The following CBLL1 variants were observed in gnomAD, a reference collection of about 807,000 sequenced individuals.
CBLL1 encodes the protein E3 ubiquitin-protein ligase Hakai.
A neutral mutation model predicts 44.9 loss-of-function variants in CBLL1; 4 were observed. That is an observed-to-expected ratio of 0.09 (90% confidence interval 0.04 to 0.20). CBLL1 has a LOEUF of 0.20. CBLL1 is among the 10% of genes least tolerant of loss of function. The probability of loss-of-function intolerance (pLI) is 1.00; values close to 1 mark genes in which losing one functional copy is unlikely to be tolerated. For synonymous variants in CBLL1, 235 were observed against 202.2 expected, an observed-to-expected ratio of 1.16 and a Z score of -1.38; for missense variants, 569 against 636.7, an observed-to-expected ratio of 0.89 and a Z score of 1.14.
At chr7:107,754,982 C>T (rs564836860) in intron 4 of CBLL1, among the ~76,000 whole-genome samples, 14 of 151,998 alleles carry the variant, frequency 9.2e-5, no homozygotes, top group African/African-American at 3.4e-4. Flanking sequence ...AATAATTAGC[C>T]TGCTGTGGTG....
chr7:107,750,366 C>A (rs1182407785), intron 2 of CBLL1, among the ~76,000 whole-genome samples: 1 of 151,320 alleles, frequency 6.6e-6, no homozygotes, highest in Non-Finnish European at 1.5e-5. Flanking sequence ...AGTGCAGTGG[C>A]GGGATCTCGG....
chr7:107,750,560 T>G (rs957247241), intron 2 of CBLL1, among the ~76,000 whole-genome samples: 1 of 152,174 alleles, frequency 6.6e-6, no homozygotes, highest in African/African-American at 2.4e-5. Flanking sequence ...CGCATCGGCC[T>G]CCCAAAGTGC....
chr7:107,758,092 AT>A lies in CBLL1; in HGVS notation c.441-45del. Reference sequence around the variant, plus strand: ...CAAGCATATTTTTGAAAATTACATAATTTTTTGTATTCTCTTTTAGTAAATC... The same window carrying A: ...CAAGCATATTTTTGAAAATTACATAATTTTTGTATTCTCTTTTAGTAAATC... On this transcript the variant is annotated intron_variant, in intron 5 of 5. Transcript: ENST00000440859. This position sits in a 1 kb window ranked among gnomAD's most constrained non-coding sequence, Gnocchi z 4.2. The A allele has an allele frequency of 1.3e-6, 2 of 1,486,078 alleles. No individual in the cohort carries two copies. Among genetic ancestry groups the A allele is most frequent in the Non-Finnish European group, 1.8e-6 (2 of 1,107,502 alleles). The allele number at this position is 1,486,078 out of a possible 1,614,324, so 92.1% of individuals were successfully genotyped here.
chr7:107,752,153 T>C (rs1048686469), intron 2 of CBLL1, among the ~76,000 whole-genome samples: 40 of 147,826 alleles, frequency 2.7e-4, no homozygotes, highest in Non-Finnish European at 2.8e-4. Context: ...GAGCGGAGAT[T>C]GCGCCACTGC....
intron 2 of CBLL1, chr7:107,752,520 T>A: frequency 7.9e-7 from 1 of 1,271,740 alleles, no homozygotes; most frequent in South Asian, 1.2e-5. Flanking sequence ...TTAAAACTTG[T>A]GTGCTTGGCT....
Position 107,759,164 on chromosome 7 carries a change from C to T in CBLL1, c.1462C>T (p.Pro488Ser), listed in dbSNP as rs1562867390. The T allele has an allele frequency of 1.2e-6, 2 of 1,601,560 alleles. No individual in the cohort carries two copies. The highest frequency in any genetic ancestry group is 1.3e-5 in the African/African-American group (1 of 74,464). The change falls in exon 6 of 6, where the codon CCG becomes TCG. Residue 488 changes from proline (P) to serine (S), a missense_variant. This residue lies in a region of CBLL1 where 228 missense variants were observed against 253.2 expected (regional missense o/e 0.90). Coordinates refer to ENST00000440859, the MANE Select transcript of CBLL1 (RefSeq NM_024814.4). ...PHHPDQTRYR[P>S]YYQ Reference sequence around the variant, plus strand: ...TCATCCAGATCAGACAAGATATAGACCGTATTACCAATGATAATAGTATTT... The same window carrying T: ...TCATCCAGATCAGACAAGATATAGATCGTATTACCAATGATAATAGTATTT...
At chr7:107,754,840 G>A (rs1017045450) in intron 4 of CBLL1, among the ~76,000 whole-genome samples, 1 of 152,206 alleles carries the variant, frequency 6.6e-6, no homozygotes, top group Non-Finnish European at 1.5e-5. Flanking sequence ...TTGACCTGCA[G>A]GGGGCTGGGT....
intron 1 of CBLL1, among the ~76,000 whole-genome samples, chr7:107,745,724 T>C (rs1340439745): frequency 6.6e-6 from 1 of 152,184 alleles, no homozygotes; most frequent in African/African-American, 2.4e-5. Flanking sequence ...GTAAATACTC[T>C]GGTGGTGTTT....
At chr7:107,748,453 T>C (rs1793113476) in intron 1 of CBLL1, among the ~76,000 whole-genome samples, 1 of 152,234 alleles carries the variant, frequency 6.6e-6, no homozygotes, top group Non-Finnish European at 1.5e-5. Flanking sequence ...TATTTTCTGC[T>C]TTGCATGCTT....
At position 107,759,047 on chromosome 7, in the gene CBLL1, A is replaced by G. The variant is rs1303501663; in HGVS notation, c.1345A>G (p.Met449Val). ...CCCTCCATTTACACAACCAGGGGGA[A>G]TGAGTCCTGGTATATGGCCTGCACC... The part of the protein sequence containing the change: ...LSPPFTQPGG[M>V]SPGIWPAPRG... The change falls in exon 6 of 6, where the codon ATG becomes GTG. Residue 449 changes from methionine to valine, a missense_variant. Around this residue, in one of 5 missense-constraint regions of CBLL1, gnomAD observed 228 missense variants for 253.2 expected, o/e 0.90. Coordinates refer to ENST00000440859, the MANE Select transcript of CBLL1 (RefSeq NM_024814.4). The G allele has an allele frequency of 8.7e-6, 14 of 1,613,864 alleles. No homozygotes were observed. Among genetic ancestry groups the G allele is most frequent in the Non-Finnish European group, 1.2e-5 (14 of 1,179,978 alleles).
At chr7:107,754,008 G>A (rs751795952) in intron 4 of CBLL1, 30 bp downstream of exon 4, 5 of 1,398,904 alleles carry the variant, frequency 3.6e-6, no homozygotes, top group East Asian at 2.4e-5. Context: ...GTTTTTGTAA[G>A]TAAGCATTTG....
At chr7:107,744,875 C>T (rs967275664) in intron 1 of CBLL1, 2 of 152,154 alleles carry the variant, frequency 1.3e-5, no homozygotes, top group African/African-American at 4.8e-5. Flanking sequence ...TATTTTCTGG[C>T]TTTTGCTTCT....
chr7:107,758,032 T>C lies in CBLL1; in HGVS notation c.441-111T>C, dbSNP rs1346246927. 8.4e-6 allele frequency: 8 copies of C among 948,556 alleles called. No individual in the cohort carries two copies. The Admixed American group carries it at 1.2e-4, about 14-fold the overall frequency. The allele number at this position is 948,556 out of a possible 1,614,324, so 58.8% of individuals were successfully genotyped here. A position where few individuals can be genotyped will look rare whatever the true frequency, so the allele number is the denominator to read the frequency against. ...AACTGTAACTTCTAATTGTGGACTTTTGCTATGTTTTATGTAACAGTCAAA... is the reference window on the plus strand; with the variant it reads ...AACTGTAACTTCTAATTGTGGACTTCTGCTATGTTTTATGTAACAGTCAAA... On this transcript the variant is annotated intron_variant, in intron 5 of 5. Coordinates refer to ENST00000440859, the MANE Select transcript of CBLL1 (RefSeq NM_024814.4). This position sits in a 1 kb window ranked among gnomAD's most constrained non-coding sequence, Gnocchi z 4.2.
intron 1 of CBLL1, among the ~76,000 whole-genome samples, chr7:107,747,956 T>C (rs1186307887): frequency 2.0e-5 from 3 of 152,204 alleles, no homozygotes; most frequent in Non-Finnish European, 4.4e-5. Context: ...AAATACGTTA[T>C]TTGTATTTCC....
In CBLL1 at chr7:107,759,046, A is replaced by G; in HGVS notation, c.1344A>G (p.Gly448=). Residue 448 remains glycine (G), a synonymous_variant, in exon 6 of 6, where the codon GGA becomes GGG. Coordinates refer to ENST00000440859, the MANE Select transcript of CBLL1 (RefSeq NM_024814.4). The part of the protein sequence containing the change: ...TLSPPFTQPG[G]MSPGIWPAPR... ...GCCCTCCATTTACACAACCAGGGGGAATGAGTCCTGGTATATGGCCTGCAC... is the reference window on the plus strand; with the variant it reads ...GCCCTCCATTTACACAACCAGGGGGGATGAGTCCTGGTATATGGCCTGCAC... 4 of 1,613,726 alleles carry G rather than the reference A, an allele frequency of 2.5e-6. No homozygotes were observed. The highest frequency in any genetic ancestry group is 3.4e-6 in the Non-Finnish European group (4 of 1,179,874).
chr7:107,746,638 A>G (rs1793034278), intron 1 of CBLL1, among the ~76,000 whole-genome samples: 1 of 152,254 alleles, frequency 6.6e-6, no homozygotes, highest in Admixed American at 6.5e-5. Context: ...ATCTCAAAAG[A>G]ATAATTGTAA....
intron 2 of CBLL1, among the ~76,000 whole-genome samples, chr7:107,752,322 A>G (rs1329828349): frequency 6.6e-6 from 1 of 152,164 alleles, no homozygotes; most frequent in Non-Finnish European, 1.5e-5. Context: ...GTAACTTATA[A>G]GAGCATCCTG....
At chr7:107,756,109 C>G (rs1793516359) in intron 5 of CBLL1, among the ~76,000 whole-genome samples, 1 of 152,026 alleles carries the variant, frequency 6.6e-6, no homozygotes, top group South Asian at 2.1e-4. Flanking sequence ...AAAGCTAGGT[C>G]CATTTTGGGA....
At chr7:107,754,740 A>G (rs554974860) in intron 4 of CBLL1, among the ~76,000 whole-genome samples, 2 of 152,288 alleles carry the variant, frequency 1.3e-5, no homozygotes, top group South Asian at 4.1e-4. Context: ...AATATAGGAC[A>G]TACTTGTTAT....
Sources: gnomAD v4.1 joint callset for allele counts (sites outside exome capture counted in the v4.1 genomes callset) on GRCh38, gnomAD v4.1.1 for gene constraint, gnomAD v4.1.1 regional missense constraint, Gnocchi (gnomAD v3.1) non-coding constraint, MANE v1.5 for transcripts, NCBI Gene and HGNC (gene_info 2026-07-23, HGNC 2026-07-21) for gene names.